The following NRF1 variants were observed in gnomAD, a reference collection of about 807,000 sequenced individuals.
NRF1 encodes nuclear respiratory factor 1.
In NRF1, 5 loss-of-function variants were observed where a neutral mutation model predicts 58.5. The observed-to-expected ratio is 0.09, with a 90% CI of 0.04 to 0.18. The LOEUF (loss-of-function observed/expected upper bound fraction) is 0.18, where lower values mean the gene tolerates loss of function less well. NRF1 is among the 10% of genes least tolerant of loss of function. The probability of loss-of-function intolerance (pLI) is 1.00; values close to 1 mark genes in which losing one functional copy is unlikely to be tolerated. For missense variants in NRF1, 288 were observed against 657.7 expected (o/e 0.44, Z 6.15); for synonymous variants, 224 against 246.7 (o/e 0.91, Z 0.86).
intron 9 of NRF1, among the ~76,000 whole-genome samples, chr7:129,724,828 T>C (rs185338032): frequency 6.6e-6 from 1 of 152,172 alleles, no homozygotes; most frequent in East Asian, 1.9e-4. Flanking sequence ...AGACAAAAAA[T>C]AACTCAAAAT....
chr7:129,619,517 T>TATATATA (rs1554401553), intron 1 of NRF1, among the ~76,000 whole-genome samples: 1 of 134,796 alleles, frequency 7.4e-6, no homozygotes, highest in African/African-American at 2.8e-5. Context: ...TATATATGTA[T>TATATATA]TGTTTTGCTG....
Position 129,717,390 on chromosome 7 carries a change from T to C in NRF1, c.1223+14T>C, listed in dbSNP as rs1044561380. On this transcript the variant is annotated intron_variant, in intron 9 of 10. Transcript: ENST00000393232. The stretch of plus-strand genomic sequence containing the variant: ...GGCGCTTAACAGGTGGTGGCAAGAG[T>C]GTGGGAATAAGTGAGGATCGCAAAT... 2.3e-5 allele frequency: 36 copies of C among 1,599,058 alleles called. No homozygotes were observed. The African/African-American group carries it at 4.2e-4, about 19-fold the overall frequency.
At chr7:129,679,124 C>T (rs1018154352) in intron 4 of NRF1, among the ~76,000 whole-genome samples, 1 of 152,168 alleles carries the variant, frequency 6.6e-6, no homozygotes, top group African/African-American at 2.4e-5. Context: ...AACACATAGT[C>T]TAGAACACAA....
At chr7:129,685,116 T>TA (rs1168263686) in intron 4 of NRF1, among the ~76,000 whole-genome samples, 4 of 152,084 alleles carry the variant, frequency 2.6e-5, no homozygotes, top group Admixed American at 6.6e-5. Flanking sequence ...GTAGAAAATT[T>TA]AAAAAAAAAT....
intron 5 of NRF1, among the ~76,000 whole-genome samples, chr7:129,693,542 G>A (rs940746208): frequency 4.0e-5 from 6 of 148,778 alleles, no homozygotes. Flanking sequence ...ATTTTTTGGC[G>A]TTTTTTTTTT....
chr7:129,627,791 T>G (rs1800953187), intron 1 of NRF1, among the ~76,000 whole-genome samples: 1 of 152,172 alleles, frequency 6.6e-6, no homozygotes, highest in South Asian at 2.1e-4. Flanking sequence ...TCAATTGAAA[T>G]TGATTTAACA....
At chr7:129,629,584 G>A (rs968310189) in intron 1 of NRF1, among the ~76,000 whole-genome samples, 6 of 152,110 alleles carry the variant, frequency 3.9e-5, no homozygotes, top group Non-Finnish European at 7.4e-5. Context: ...CCGCACACAC[G>A]CTTTTTGAGA....
At chr7:129,740,740 C>T (rs1295586405) in intron 10 of NRF1, among the ~76,000 whole-genome samples, 1 of 152,144 alleles carries the variant, frequency 6.6e-6, no homozygotes, top group Non-Finnish European at 1.5e-5. Context: ...GTGTAGTCTG[C>T]ACATCCAGAG....
intron 5 of NRF1, among the ~76,000 whole-genome samples, chr7:129,705,333 C>G (rs930691331): frequency 1.3e-5 from 2 of 152,026 alleles, no homozygotes; most frequent in Admixed American, 6.6e-5. Context: ...CTCTGTTGCC[C>G]AGGCTGGAGT....
At chr7:129,612,626 T>TC (rs1800562321) in intron 1 of NRF1, among the ~76,000 whole-genome samples, 1 of 152,010 alleles carries the variant, frequency 6.6e-6, no homozygotes, top group Non-Finnish European at 1.5e-5. Flanking sequence ...GGGGTGGTGG[T>TC]CCCCTGGGTG....
chr7:129,656,398 A>G (rs1267400963), intron 1 of NRF1, among the ~76,000 whole-genome samples: 1 of 151,834 alleles, frequency 6.6e-6, no homozygotes, highest in African/African-American at 2.4e-5. Flanking sequence ...TTTATTTTAA[A>G]TCTATATATA....
At chr7:129,711,355 C>A in intron 7 of NRF1, 120 bp from the exon 8 acceptor site, 2 of 649,448 alleles carry the variant, frequency 3.1e-6, no homozygotes, top group South Asian at 2.2e-5. Flanking sequence ...GATTTCACAT[C>A]ATAAGGCATA....
chr7:129,699,921 C>T (rs897548102), intron 5 of NRF1, among the ~76,000 whole-genome samples: 2 of 148,588 alleles, frequency 1.3e-5, no homozygotes, highest in Admixed American at 6.7e-5. Flanking sequence ...GGGCAGATCA[C>T]GAGGTCAGGA....
intron 2 of NRF1, among the ~76,000 whole-genome samples, chr7:129,667,661 C>A (rs1320064520): frequency 6.6e-6 from 1 of 151,474 alleles, no homozygotes; most frequent in Non-Finnish European, 1.5e-5. Flanking sequence ...TTAAGGAATT[C>A]TTCTTAACTC....
intron 3 of NRF1, among the ~76,000 whole-genome samples, chr7:129,671,835 G>A (rs778755569): frequency 1.3e-5 from 2 of 152,134 alleles, no homozygotes; most frequent in Non-Finnish European, 2.9e-5. Flanking sequence ...GCCTTAAAGA[G>A]CTTGTATCCT....
chr7:129,636,115 A>C (rs939315236), intron 1 of NRF1, among the ~76,000 whole-genome samples: 17 of 152,194 alleles, frequency 1.1e-4, no homozygotes, highest in African/African-American at 3.6e-4. Context: ...GTTGCTTGTC[A>C]TGTGATACTT....
intron 1 of NRF1, among the ~76,000 whole-genome samples, chr7:129,624,652 C>T (rs1008682765): frequency 6.6e-6 from 1 of 151,996 alleles, no homozygotes; most frequent in Non-Finnish European, 1.5e-5. Context: ...GAAAGTTTTC[C>T]CAACTGAAAT....
chr7:129,640,719 C>G (rs1801271164), intron 1 of NRF1, among the ~76,000 whole-genome samples: 1 of 152,050 alleles, frequency 6.6e-6, no homozygotes, highest in South Asian at 2.1e-4. Flanking sequence ...GATTGAGAAG[C>G]AGGAGATAGG....
At chr7:129,735,251 G>A in intron 10 of NRF1, 1 of 985,406 alleles carries the variant, frequency 1.0e-6, no homozygotes. Flanking sequence ...AATTAAAGCT[G>A]CTGGGTGCGG....
Sources: allele counts gnomAD v4.1 joint callset (sites outside exome capture counted in the v4.1 genomes callset), GRCh38; gene constraint gnomAD v4.1.1; transcripts MANE v1.5; gene names NCBI Gene and HGNC (gene_info 2026-07-23, HGNC 2026-07-21).